NDUFA13: variants seen among roughly 807,000 people sequenced by gnomAD.
NDUFA13 encodes NADH:ubiquinone oxidoreductase subunit A13, also known as NADH dehydrogenase [ubiquinone] 1 alpha subcomplex subunit 13.
Under a neutral mutation model 17.0 loss-of-function variants are expected in NDUFA13, and 16 were observed. The ratio of observed to expected loss-of-function variants is 0.94; its 90% CI spans 0.64 to 1.43. The LOEUF (loss-of-function observed/expected upper bound fraction) is 1.43, where lower values mean the gene tolerates loss of function less well. Ranked by LOEUF, NDUFA13 falls within the 40% of genes most tolerant of loss-of-function variation. NDUFA13 has a pLI of 0.00. For synonymous variants in NDUFA13, 87 were observed against 78.4 expected (o/e 1.11, Z -0.58); for missense variants, 228 against 206.7 (o/e 1.10, Z -0.63).
At chr19:19,520,831 C>T (rs150185148) in intron 1 of NDUFA13, among the ~76,000 whole-genome samples, 2 of 152,286 alleles carry the variant, frequency 1.3e-5, no homozygotes, top group African/African-American at 4.8e-5. Context: ...CTGTTCTGGC[C>T]ATTTCCTATC....
rs781736877 is a variant in NDUFA13, at chr19:19,526,292, G to A, written c.173+32G>A. Reference sequence around the variant, plus strand: ...CCCCTGGTGGGCGTTGTCTGAAAGTGCCCCCCCGGCGAGTTGTCGGGGTCC... The same window carrying A: ...CCCCTGGTGGGCGTTGTCTGAAAGTACCCCCCCGGCGAGTTGTCGGGGTCC... On this transcript the variant is annotated intron_variant, in intron 2 of 4. Coordinates refer to ENST00000507754, the MANE Select transcript of NDUFA13 (RefSeq NM_015965.7). 3.1e-6 allele frequency: 5 copies of A among 1,610,622 alleles called. No homozygotes were observed. In the South Asian group the frequency reaches 4.4e-5, roughly 14 times the overall value.
chr19:19,525,944 C>T (rs1216375434), intron 1 of NDUFA13: 22 of 1,226,956 alleles, frequency 1.8e-5, no homozygotes, highest in South Asian at 7.9e-5. Flanking sequence ...TTCTAGAACA[C>T]GATGGACCTG....
In NDUFA13 at chr19:19,516,318, G is replaced by T; in HGVS notation, c.80G>T (p.Arg27Leu). The T allele has an allele frequency of 6.2e-7, 1 of 1,613,522 alleles. No homozygotes were observed. The highest frequency in any genetic ancestry group is 2.2e-5 in the East Asian group (1 of 44,878). The change falls in exon 1 of 5, where the codon CGT becomes CTT. Residue 27 changes from arginine (R) to leucine (L), a missense_variant. Physicochemically the swap from Arg to Leu is moderately radical, Grantham distance 102. Transcript: ENST00000507754. ...GPIDYKRNLP[R>L]RGLSGYSMLA... is the part of the protein sequence containing the mutation. ...ATCGACTACAAACGGAACTTGCCGC[G>T]TCGAGGACTGTCGGGTCAGTATCAC...
Position 19,522,680 on chromosome 19 carries a change from G to A in NDUFA13, c.95-3502G>A, listed in dbSNP as rs538320543. ...TTTTTAGTAGAGACAGGGTTTCACC[G>A]TGTTAGCCAGGATGGTCTCGATCTC... On this transcript the variant is annotated intron_variant, in intron 1 of 4. Coordinates refer to ENST00000507754, the MANE Select transcript of NDUFA13 (RefSeq NM_015965.7). 6.6e-5 allele frequency among the ~76,000 whole-genome samples: 10 copies of A among 151,986 alleles called. No homozygotes were observed. In the South Asian group the frequency reaches 1.7e-3, roughly 25 times the overall value.
intron 1 of NDUFA13, among the ~76,000 whole-genome samples, chr19:19,525,121 G>C (rs1417374976): frequency 6.6e-6 from 1 of 152,208 alleles, no homozygotes. Flanking sequence ...CTGAGAGCTG[G>C]GAGCTGGCCC....
chr19:19,516,446 C>T (rs1004426221), intron 1 of NDUFA13, 114 bp downstream of exon 1: 3 of 1,114,526 alleles, frequency 2.7e-6, no homozygotes, highest in African/African-American at 1.5e-5. Flanking sequence ...GGAGGCGGAG[C>T]CCGGGGATCC....
chr19:19,522,209 G>A (rs911833001), intron 1 of NDUFA13, among the ~76,000 whole-genome samples: 2 of 151,842 alleles, frequency 1.3e-5, no homozygotes, highest in African/African-American at 4.8e-5. Context: ...GGAGGCTGAG[G>A]CAGGAGAATG....
At chr19:19,525,940 A>G (rs1341428175) in intron 1 of NDUFA13, 1 of 1,187,686 alleles carries the variant, frequency 8.4e-7, no homozygotes, top group East Asian at 2.8e-5. Flanking sequence ...AGCCTTCTAG[A>G]ACACGATGGA....
At chr19:19,517,845 A>G (rs563295301) in intron 1 of NDUFA13, among the ~76,000 whole-genome samples, 6 of 152,174 alleles carry the variant, frequency 3.9e-5, no homozygotes, top group Non-Finnish European at 8.8e-5. Context: ...TTTTTCTTGT[A>G]TCCCAGAACT....
At chr19:19,522,310 T>C (rs2061081410) in intron 1 of NDUFA13, among the ~76,000 whole-genome samples, 1 of 151,814 alleles carries the variant, frequency 6.6e-6, no homozygotes, top group Non-Finnish European at 1.5e-5. Flanking sequence ...ATCTCAAAAA[T>C]ACATGTATAA....
rs759232999 is a variant in NDUFA13 at position 19,516,265 on chromosome 19, C to T, written c.27C>T (p.Asp9=). 1.9e-6 allele frequency: 3 copies of T among 1,613,984 alleles called. No homozygotes were observed. The highest frequency in any genetic ancestry group is 1.7e-5 in the Admixed American group (1 of 60,024). The change falls in exon 1 of 5, where the codon GAC becomes GAT. Residue 9 remains aspartate (D), a synonymous_variant. Transcript: ENST00000507754. The part of the protein sequence containing the change: MAASKVKQ[D]MPPPGGYGPI... ...TGGCGGCGTCAAAGGTGAAGCAGGA[C>T]ATGCCTCCGCCGGGGGGCTATGGGC... is the stretch of plus-strand genomic sequence containing the variant.
intron 1 of NDUFA13, among the ~76,000 whole-genome samples, chr19:19,519,592 G>C (rs1035370072): frequency 4.6e-5 from 7 of 152,164 alleles, no homozygotes; most frequent in Non-Finnish European, 7.4e-5. Flanking sequence ...ACATGGTTCC[G>C]GGCCCTGTCC....
Position 19,527,364 on chromosome 19 carries a change from G to T in NDUFA13, c.245+12G>T. On this transcript the variant is annotated intron_variant, in intron 3 of 4. Transcript: ENST00000507754. ...GAAACCGACCGGAGGTAGCACCGCA[G>T]GGGCCAAGGTTGGGAGGTCACTGGC... The T allele has an allele frequency of 6.2e-7, 1 of 1,613,742 alleles. No homozygotes were observed.
intron 2 of NDUFA13, chr19:19,526,498 G>T: frequency 1.7e-6 from 1 of 572,750 alleles, no homozygotes; most frequent in Non-Finnish European, 3.2e-6. Context: ...TGGGAGCATT[G>T]CTTGAGCCCA....
chr19:19,523,977 A>G (rs1256033888), intron 1 of NDUFA13, among the ~76,000 whole-genome samples: 2 of 152,210 alleles, frequency 1.3e-5, no homozygotes, highest in Non-Finnish European at 2.9e-5. Context: ...ACTGTGTTGC[A>G]CAGGCTAGTT....
At chr19:19,520,638 T>A (rs1183938943) in intron 1 of NDUFA13, among the ~76,000 whole-genome samples, 13 of 151,800 alleles carry the variant, frequency 8.6e-5, no homozygotes, top group East Asian at 1.9e-4. Context: ...TCAAAAAAAA[T>A]AATAATAATA....
Position 19,525,824 on chromosome 19 carries a change from C to T in NDUFA13, c.95-358C>T, listed in dbSNP as rs141539317. Among the ~76,000 whole-genome samples, 371 of 152,268 alleles carry T rather than the reference C, an allele frequency of 2.4e-3. 2 individuals carry two copies. Among genetic ancestry groups the T allele is most frequent in the South Asian group, 0.016 (78 of 4,826 alleles). On this transcript the variant is annotated intron_variant, in intron 1 of 4. Coordinates refer to ENST00000507754, the MANE Select transcript of NDUFA13 (RefSeq NM_015965.7). ...GTCCCTGGCAGCTGTGTGCAGCCCCCGCAGGGCAGCACGCGGAACTGTGGC... is the reference window on the plus strand; with the variant it reads ...GTCCCTGGCAGCTGTGTGCAGCCCCTGCAGGGCAGCACGCGGAACTGTGGC...
In NDUFA13 at chr19:19,526,169, C is replaced by T. The variant is rs114825631; in HGVS notation, c.95-13C>T. The T allele has an allele frequency of 1.8e-3, 2,960 of 1,613,420 alleles. 45 individuals carry two copies. In the African/African-American group the frequency reaches 0.032, roughly 18 times the overall value. On this transcript the variant is annotated splice_polypyrimidine_tract_variant and intron_variant, in intron 1 of 4. Coordinates refer to ENST00000507754, the MANE Select transcript of NDUFA13 (RefSeq NM_015965.7). Reference sequence around the variant, plus strand: ...GGGCGGGCTGGCCCGCTGAGCAGCGCCTCTCTTCACAGGCTACAGCATGCT... The same window carrying T: ...GGGCGGGCTGGCCCGCTGAGCAGCGTCTCTCTTCACAGGCTACAGCATGCT...
At chr19:19,527,161 TGCCTCCCCGCCCCCCTCC>T in intron 2 of NDUFA13, 102 bp from the exon 3 acceptor site, 1 of 465,248 alleles carries the variant, frequency 2.1e-6, no homozygotes, top group Non-Finnish European at 3.6e-6. Flanking sequence ...GCCCCCTGCC[TGCCTCCCCGCCCCCCTCC>T]GCCTCTTCCC....
Sources: gnomAD v4.1 joint callset for allele counts (sites outside exome capture counted in the v4.1 genomes callset) on GRCh38, gnomAD v4.1.1 for gene constraint, MANE v1.5 for transcripts, NCBI Gene and HGNC (gene_info 2026-07-23, HGNC 2026-07-21) for gene names.